Variants in DOCK11 observed in about 807,000 individuals in gnomAD.
DOCK11 encodes the protein dedicator of cytokinesis 11, also known as dedicator of cytokinesis protein 11.
In DOCK11, 70 loss-of-function variants were observed where a neutral mutation model predicts 169.1. That is an observed-to-expected ratio of 0.41 (90% CI 0.34 to 0.51). The LOEUF (loss-of-function observed/expected upper bound fraction) is 0.51. Ranked by LOEUF, DOCK11 falls within the 20% of genes least tolerant of loss-of-function variation. The pLI is 0.10. For missense variants in DOCK11, 1,166 were observed against 1,538.8 expected, an observed-to-expected ratio of 0.76 and a Z score of 4.05; for synonymous variants, 529 against 541.3, an observed-to-expected ratio of 0.98 and a Z score of 0.32.
At chrX:118,570,578 C>T (rs776322238) in intron 10 of DOCK11, among the ~76,000 whole-genome samples, 86 of 112,228 alleles carry the variant, frequency 7.7e-4, no homozygotes, top group African/African-American at 2.4e-3. Context: ...AGGTTTCAGT[C>T]AGTCATACTG....
intron 20 of DOCK11, among the ~76,000 whole-genome samples, chrX:118,596,487 ATAATTT>A (rs1406388149): frequency 1.8e-5 from 2 of 112,587 alleles, no homozygotes; most frequent in Non-Finnish European, 3.7e-5. Context: ...AGAGTCACAA[ATAATTT>A]TAAAGAATCA....
intron 31 of DOCK11, among the ~76,000 whole-genome samples, chrX:118,619,516 T>C (rs1163952696): frequency 1.1e-4 from 11 of 104,356 alleles, no homozygotes; most frequent in African/African-American, 3.8e-4. Flanking sequence ...ATATATATAG[T>C]TTAGTTAACT....
chrX:118,654,572 A>G, intron 42 of DOCK11, 30 bp from the exon 43 acceptor site: 3 of 1,187,600 alleles, frequency 2.5e-6, no homozygotes, highest in African/African-American at 3.5e-5. Flanking sequence ...TTGTTGTTCA[A>G]CTTGTCTTTT....
chrX:118,526,577 A>T (rs1391086996), intron 1 of DOCK11, among the ~76,000 whole-genome samples: 2 of 112,217 alleles, frequency 1.8e-5, no homozygotes, highest in African/African-American at 3.2e-5. Flanking sequence ...TGTAGTTTCT[A>T]CAGTAGTGCC....
chrX:118,660,018 G>C (rs1434947434), intron 44 of DOCK11, among the ~76,000 whole-genome samples: 1 of 111,862 alleles, frequency 8.9e-6, no homozygotes, highest in African/African-American at 3.2e-5. Context: ...CTTCAATAAA[G>C]GCTATGTTCT....
intron 1 of DOCK11, among the ~76,000 whole-genome samples, chrX:118,496,383 G>A (rs2057537210): frequency 8.9e-6 from 1 of 112,250 alleles, no homozygotes; most frequent in Admixed American, 9.3e-5. Flanking sequence ...GGGGGTGTGA[G>A]CTAAAGAGCT....
rs755873402 is a variant in DOCK11, at chrX:118,511,999, C to T, written c.102+15926C>T. Among the ~76,000 whole-genome samples the T allele has an allele frequency of 7.1e-5, 8 of 112,269 alleles. No individual in the cohort carries two copies. In the Admixed American group the frequency reaches 7.6e-4, roughly 11 times the overall value. On this transcript the variant is annotated intron_variant, in intron 1 of 52. Transcript: ENST00000276202. ...CACGATCTTGGCTCACTGCAACCAC[C>T]GACTCCGGGGTTCAAGCAATTCTCC...
chrX:118,626,596 T>C (rs766214655), intron 32 of DOCK11, among the ~76,000 whole-genome samples: 6 of 111,674 alleles, frequency 5.4e-5, no homozygotes, highest in Non-Finnish European at 9.4e-5. Context: ...TACAGCTTCC[T>C]CTGCAAATTC....
At position 118,536,859 on chromosome X, in the gene DOCK11, G is replaced by A. The variant is rs151024384; in HGVS notation, c.103-5866G>A. On this transcript the variant is annotated intron_variant, in intron 1 of 52. Coordinates refer to ENST00000276202, the MANE Select transcript of DOCK11 (RefSeq NM_144658.4). ...AACTCACTTTGTTTTCTGTGCTGCC[G>A]GAAATTGCATGCCCCCAGTGGCCAT... is the stretch of plus-strand genomic sequence containing the variant. Among the ~76,000 whole-genome samples, 20 of 111,510 alleles carry A rather than the reference G, an allele frequency of 1.8e-4. No individual in the cohort carries two copies. In the East Asian group the frequency reaches 5.1e-3, roughly 28 times the overall value.
chrX:118,529,158 AT>A (rs1474659079), intron 1 of DOCK11, among the ~76,000 whole-genome samples: 1 of 108,361 alleles, frequency 9.2e-6, no homozygotes, highest in African/African-American at 3.4e-5. Flanking sequence ...TTTTTTTGGT[AT>A]TTTTAGTAGA....
At chrX:118,662,905 G>A (rs191683525) in intron 45 of DOCK11, 113 bp downstream of exon 45, 1 of 504,888 alleles carries the variant, frequency 2.0e-6, no homozygotes, top group African/African-American at 2.4e-5. Context: ...AAGGGTTAAT[G>A]AACTTTAAGT....
chrX:118,515,201 G>A (rs2057674779), intron 1 of DOCK11, among the ~76,000 whole-genome samples: 1 of 111,856 alleles, frequency 8.9e-6, no homozygotes, highest in Non-Finnish European at 1.9e-5. Context: ...TAATCCGGAT[G>A]CGCTCTTCAT....
chrX:118,650,914 G>T (rs1371607761), intron 41 of DOCK11, among the ~76,000 whole-genome samples: 1 of 111,770 alleles, frequency 8.9e-6, no homozygotes, highest in Non-Finnish European at 1.9e-5. Flanking sequence ...TTTTATCATA[G>T]GCATTTTACA....
At chrX:118,579,390 A>G (rs2013553572) in intron 13 of DOCK11, among the ~76,000 whole-genome samples, 1 of 104,399 alleles carries the variant, frequency 9.6e-6, no homozygotes, top group Admixed American at 1.0e-4. Context: ...GGTTGAGTTC[A>G]TTAGTAGCAC....
intron 40 of DOCK11, among the ~76,000 whole-genome samples, chrX:118,644,833 G>A (rs1305860816): frequency 8.9e-6 from 1 of 111,746 alleles, no homozygotes; most frequent in African/African-American, 3.3e-5. Context: ...GTTTTAAGCA[G>A]GGAAGTAACA....
chrX:118,634,789 C>T (rs1340788338), intron 35 of DOCK11, among the ~76,000 whole-genome samples: 3 of 111,962 alleles, frequency 2.7e-5, no homozygotes, highest in East Asian at 2.8e-4. Context: ...AGAGCAGTGG[C>T]GCGATCTCAG....
rs746886525 is a variant in DOCK11, at chrX:118,630,383, G to A, written c.3779G>A (p.Arg1260Gln). 5.0e-6 allele frequency: 6 copies of A among 1,194,247 alleles called. No individual in the cohort carries two copies. Among genetic ancestry groups the A allele is most frequent in the East Asian group, 3.0e-5 (1 of 33,712 alleles). ...ACGAACATCCTGTCCTTACAGACCC[G>A]ACAGAGTTCTACAAGGAGTAGTGTA... is the stretch of plus-strand genomic sequence containing the variant. ...PDQGNTGENT[R>Q]QSSTRSSVSQ... is the part of the protein sequence containing the mutation. The change falls in exon 35 of 53, where the codon CGA becomes CAA. Residue 1260 changes from arginine (R) to glutamine (Q), a missense_variant. Physicochemically the swap from Arg to Gln is conservative, Grantham distance 43. Transcript: ENST00000276202.
At chrX:118,635,466 A>G (rs1354576138) in intron 35 of DOCK11, among the ~76,000 whole-genome samples, 1 of 112,849 alleles carries the variant, frequency 8.9e-6, no homozygotes, top group Non-Finnish European at 1.9e-5. Context: ...GATAGATTTA[A>G]GAGACTTTTG....
intron 1 of DOCK11, among the ~76,000 whole-genome samples, chrX:118,512,344 C>T (rs1024839756): frequency 2.7e-5 from 3 of 111,872 alleles, no homozygotes; most frequent in African/African-American, 9.7e-5. Context: ...ATTACAAAGA[C>T]CAAGAGACCA....
Sources: gnomAD v4.1 joint callset for allele counts (sites outside exome capture counted in the v4.1 genomes callset) on GRCh38, gnomAD v4.1.1 for gene constraint, MANE v1.5 for transcripts, NCBI Gene and HGNC (gene_info 2026-07-23, HGNC 2026-07-21) for gene names.